Variants in KMO observed in about 807,000 individuals in gnomAD.
The protein encoded by KMO is kynurenine 3-hydroxylase.
A neutral mutation model predicts 57.8 loss-of-function variants in KMO; 24 were observed. The ratio of observed to expected loss-of-function variants is 0.42; its 90% CI spans 0.30 to 0.58. KMO has a LOEUF of 0.58. Among genes scored for constraint, KMO ranks in the 20% least tolerant of loss-of-function variants. KMO has a pLI of 0.22. For missense variants in KMO, 483 were observed against 588.2 expected (o/e 0.82, Z 1.85); for synonymous variants, 210 against 193.6 (o/e 1.08, Z -0.70).
At chr1:241,573,375 C>T (rs924722615) in intron 10 of KMO, among the ~76,000 whole-genome samples, 1 of 152,072 alleles carries the variant, frequency 6.6e-6, no homozygotes, top group African/African-American at 2.4e-5. Context: ...GGAGTTTCTC[C>T]TAGGTTATAT....
chr1:241,575,914 T>G (rs1272829152), intron 10 of KMO, among the ~76,000 whole-genome samples: 2 of 152,052 alleles, frequency 1.3e-5, no homozygotes, highest in African/African-American at 2.4e-5. Context: ...GATTTGGTAC[T>G]AATTGTTTTA....
chr1:241,549,489 A>T (rs921871724), intron 2 of KMO, among the ~76,000 whole-genome samples, 188 bp from the exon 3 acceptor site: 1 of 150,704 alleles, frequency 6.6e-6, no homozygotes, highest in Non-Finnish European at 1.5e-5. Context: ...AGTTTTGTTT[A>T]AAAAAAAACA....
chr1:241,553,317 T>G (rs1037875795), intron 4 of KMO, among the ~76,000 whole-genome samples: 2 of 152,214 alleles, frequency 1.3e-5, no homozygotes, highest in Non-Finnish European at 2.9e-5. Context: ...ATTCTGGTGT[T>G]CCTGCAGGGA....
chr1:241,574,412 T>C (rs1662425632), intron 10 of KMO, among the ~76,000 whole-genome samples: 1 of 152,072 alleles, frequency 6.6e-6, no homozygotes, highest in Non-Finnish European at 1.5e-5. Context: ...ATTCATCATA[T>C]ATGGCTTTTA....
Position 241,560,833 on chromosome 1 carries a change from C to G in KMO, c.449+81C>G, listed in dbSNP as rs139760639. The G allele has an allele frequency of 6.6e-6, 6 of 912,526 alleles. No homozygotes were observed. The African/African-American group carries it at 9.8e-5, about 15-fold the overall frequency. 56.5% of individuals were successfully genotyped at this position (912,526 alleles called of 1,614,324 possible). The stretch of plus-strand genomic sequence containing the variant: ...TATCTGCAAACTTTGTTCTTTGGCT[C>G]TTTTGAAAGAGTTAAAAGATTATTG... On this transcript the variant is annotated intron_variant, in intron 6 of 14. Coordinates refer to ENST00000366559, the MANE Select transcript of KMO (RefSeq NM_003679.5).
At chr1:241,549,204 A>G (rs531548244) in intron 2 of KMO, among the ~76,000 whole-genome samples, 54 of 5,706 alleles carry the variant, frequency 9.5e-3, no homozygotes, top group Admixed American at 0.012. Flanking sequence ...AAGAAAAGGA[A>G]GAAAGAAAGA....
chr1:241,564,985 A>G lies in KMO; in HGVS notation c.616-2A>G. On this transcript the variant is annotated splice_acceptor_variant, in intron 7 of 14. Transcript: ENST00000366559. LOFTEE classifies it high-confidence loss of function. ...ATCAATCATATATTCTTTTTTCTGC[A>G]GTATGCCATGGAACCTAATTATCTG... The G allele has an allele frequency of 6.3e-7, 1 of 1,590,636 alleles. No individual in the cohort carries two copies. Among genetic ancestry groups the G allele is most frequent in the Non-Finnish European group, 8.6e-7 (1 of 1,159,320 alleles).
At chr1:241,589,154 C>T (rs1308965092) in intron 12 of KMO, among the ~76,000 whole-genome samples, 1 of 152,074 alleles carries the variant, frequency 6.6e-6, no homozygotes, top group African/African-American at 2.4e-5. Flanking sequence ...GATGTGTCAA[C>T]ATATTTAGAA....
Position 241,562,279 on chromosome 1 carries a change from C to A in KMO, c.562C>A (p.Gln188Lys). The A allele has an allele frequency of 6.2e-7, 1 of 1,614,162 alleles. No homozygotes were observed. Among genetic ancestry groups the A allele is most frequent in the Non-Finnish European group, 8.5e-7 (1 of 1,179,982 alleles). The change falls in exon 7 of 15, where the codon CAG becomes AAG. Residue 188 changes from glutamine (Q) to lysine (K), a missense_variant. By Grantham distance (53) the Gln-to-Lys change is moderately conservative. This residue lies in a region of KMO where 410 missense variants were observed against 492.3 expected (regional missense o/e 0.83). Transcript: ENST00000366559. The part of the protein sequence containing the change: ...MKKPRFDYSQ[Q>K]YIPHGYMELT... Reference sequence around the variant, plus strand: ...GAAACCTCGCTTTGATTACAGTCAGCAGTACATTCCTCATGGGTACATGGA... The same window carrying A: ...GAAACCTCGCTTTGATTACAGTCAGAAGTACATTCCTCATGGGTACATGGA...
intron 1 of KMO, among the ~76,000 whole-genome samples, chr1:241,537,592 C>T (rs1407403007): frequency 1.3e-5 from 2 of 152,018 alleles, no homozygotes; most frequent in Non-Finnish European, 2.9e-5. Flanking sequence ...TGTATTAATC[C>T]GTTTTCATGT....
In KMO at chr1:241,588,821, T is replaced by C. The variant is rs1247779773; in HGVS notation, c.1089T>C (p.Asn363=). ...CGATTTCAGACCTATCCATGTACAA[T>C]TACATAGAGGTGAGTGAGAAGGTTT... ...DHAISDLSMY[N]YIEMRAHVNS... is the part of the protein sequence containing the mutation. The change falls in exon 12 of 15, where the codon AAT becomes AAC. Residue 363 remains asparagine, a synonymous_variant. Transcript: ENST00000366559. 1 of 1,609,552 alleles carries C rather than the reference T, an allele frequency of 6.2e-7. No homozygotes were observed. Among genetic ancestry groups the C allele is most frequent in the South Asian group, 1.1e-5 (1 of 90,986 alleles).
chr1:241,570,742 C>T (rs1285012664), intron 10 of KMO, among the ~76,000 whole-genome samples: 2 of 152,028 alleles, frequency 1.3e-5, no homozygotes, highest in African/African-American at 4.8e-5. Context: ...GTTCTTTTTG[C>T]TCAGGATGGC....
chr1:241,588,329 C>CTTTT (rs57587351), intron 11 of KMO, among the ~76,000 whole-genome samples: 8 of 98,386 alleles, frequency 8.1e-5, no homozygotes, highest in South Asian at 3.9e-4. Context: ...TCTTTTTTTT[C>CTTTT]TTTTTTTTTT....
chr1:241,548,637 A>G (rs1661246429), intron 1 of KMO, among the ~76,000 whole-genome samples, 192 bp from the exon 2 acceptor site: 1 of 152,020 alleles, frequency 6.6e-6, no homozygotes, highest in Non-Finnish European at 1.5e-5. Flanking sequence ...TTGAATAAAT[A>G]TTGCTATTTT....
intron 5 of KMO, among the ~76,000 whole-genome samples, chr1:241,558,992 A>G (rs1467317441): frequency 6.6e-6 from 1 of 151,766 alleles, no homozygotes; most frequent in East Asian, 1.9e-4. Context: ...GGGCGCCTGT[A>G]ATCCCAGTTA....
chr1:241,586,745 G>C lies in KMO; in HGVS notation c.1015+9G>C, dbSNP rs771526352. 24 of 1,592,838 alleles carry C rather than the reference G, an allele frequency of 1.5e-5. No individual in the cohort carries two copies. In the South Asian group the frequency reaches 2.4e-4, roughly 16 times the overall value. On this transcript the variant is annotated intron_variant, in intron 11 of 14. Transcript: ENST00000366559. ...ATTCAGTAACGACCTTAGTAAGTAA[G>C]GTCAATTTCTCAACTGGACATGTAC... is the stretch of plus-strand genomic sequence containing the variant.
intron 1 of KMO, among the ~76,000 whole-genome samples, chr1:241,535,470 C>T (rs1487546677): frequency 6.6e-6 from 1 of 152,112 alleles, no homozygotes; most frequent in African/African-American, 2.4e-5. Flanking sequence ...TGAAAAGTCA[C>T]CCTGAGAAGT....
intron 4 of KMO, among the ~76,000 whole-genome samples, chr1:241,551,738 A>G (rs934246132): frequency 6.6e-6 from 1 of 152,180 alleles, no homozygotes; most frequent in Admixed American, 6.5e-5. Flanking sequence ...TTATCCAGCC[A>G]TGCCTCCTTT....
intron 10 of KMO, among the ~76,000 whole-genome samples, chr1:241,573,081 T>A (rs893020689): frequency 6.6e-6 from 1 of 152,154 alleles, no homozygotes; most frequent in Non-Finnish European, 1.5e-5. Flanking sequence ...AATAGAGAAT[T>A]GTCCTACAAT....
Sources: allele counts gnomAD v4.1 joint callset (sites outside exome capture counted in the v4.1 genomes callset), GRCh38; gene constraint gnomAD v4.1.1; regional missense constraint gnomAD v4.1.1; transcripts MANE v1.5; gene names NCBI Gene and HGNC (gene_info 2026-07-23, HGNC 2026-07-21).